The following TOP1 variants were observed in gnomAD, a reference collection of about 807,000 sequenced individuals.
TOP1 encodes the protein DNA topoisomerase 1.
A neutral mutation model predicts 111.1 loss-of-function variants in TOP1; 10 were observed. The ratio of observed to expected loss-of-function variants is 0.09; its 90% confidence interval spans 0.06 to 0.15. TOP1 has a LOEUF of 0.15. Ranked by LOEUF, TOP1 falls within the 10% of genes least tolerant of loss-of-function variation. The probability of loss-of-function intolerance (pLI) is 1.00; values close to 1 mark genes in which losing one functional copy is unlikely to be tolerated. For synonymous variants in TOP1, 271 were observed against 302.9 expected (o/e 0.89, Z 1.10); for missense variants, 474 against 926.7 (o/e 0.51, Z 6.34).
rs2145929988 is a variant in TOP1, at chr20:41,067,138, G to T, written c.155+5648G>T. Among the ~76,000 whole-genome samples, 1 of 151,688 alleles carries T rather than the reference G, an allele frequency of 6.6e-6. No individual in the cohort carries two copies. The highest frequency in any genetic ancestry group is 1.5e-5 in the Non-Finnish European group (1 of 67,868). On this transcript the variant is annotated intron_variant, in intron 3 of 20. Coordinates refer to ENST00000361337, the MANE Select transcript of TOP1 (RefSeq NM_003286.4). This position sits in a 1 kb window ranked among gnomAD's most constrained non-coding sequence, Gnocchi z 4.0. The stretch of plus-strand genomic sequence containing the variant: ...GTAAAATTATTTTATTATTTTTTTT[G>T]AGATGGAGTCTCACTTTGTCACCCA...
At chr20:41,108,516 A>G (rs1390392153) in intron 13 of TOP1, among the ~76,000 whole-genome samples, 3 of 152,216 alleles carry the variant, frequency 2.0e-5, no homozygotes, top group Non-Finnish European at 4.4e-5. Flanking sequence ...AAGGTCATTG[A>G]AAGGATTGGG....
intron 8 of TOP1, among the ~76,000 whole-genome samples, chr20:41,088,864 T>A: frequency 6.6e-6 from 1 of 152,056 alleles, no homozygotes; most frequent in Admixed American, 6.5e-5. Flanking sequence ...ACATATGACA[T>A]AACATTTATC....
At chr20:41,090,283 TTTTTAA>T (rs552887183) in intron 8 of TOP1, among the ~76,000 whole-genome samples, 14 of 152,176 alleles carry the variant, frequency 9.2e-5, no homozygotes, top group Non-Finnish European at 1.8e-4. Context: ...CCAGCCCCTA[TTTTTAA>T]TTTTATCTTT....
intron 13 of TOP1, among the ~76,000 whole-genome samples, chr20:41,111,077 C>T (rs1400799352): frequency 3.3e-5 from 5 of 152,140 alleles, no homozygotes; most frequent in African/African-American, 1.2e-4. Context: ...ACCTTACATT[C>T]CAGTGGTGTG....
chr20:41,031,986 A>G (rs530014213), intron 2 of TOP1, among the ~76,000 whole-genome samples: 5 of 152,228 alleles, frequency 3.3e-5, no homozygotes, highest in Admixed American at 2.6e-4. Context: ...GTTGGTAACT[A>G]TGCTTGCTAT....
At chr20:41,062,444 G>A (rs1328291378) in intron 3 of TOP1, among the ~76,000 whole-genome samples, 1 of 152,170 alleles carries the variant, frequency 6.6e-6, no homozygotes, top group East Asian at 1.9e-4. Context: ...CATGTATCAT[G>A]CCTGTGGCCT....
chr20:41,055,766 T>TC (rs2033462644), intron 2 of TOP1, among the ~76,000 whole-genome samples: 1 of 152,178 alleles, frequency 6.6e-6, no homozygotes, highest in Admixed American at 6.5e-5. Flanking sequence ...TTTCCTTCCT[T>TC]CTTAGTTCCT....
chr20:41,045,395 A>T (rs1008847169), intron 2 of TOP1, among the ~76,000 whole-genome samples: 11 of 152,192 alleles, frequency 7.2e-5, no homozygotes, highest in South Asian at 2.1e-4. Context: ...GTAAGTCCTA[A>T]GAGGACTTAC....
chr20:41,061,468 G>A lies in TOP1; in HGVS notation c.133G>A (p.Glu45Lys). 6.2e-7 allele frequency: 1 copy of A among 1,607,274 alleles called. No individual in the cohort carries two copies. The highest frequency in any genetic ancestry group is 8.5e-7 in the Non-Finnish European group (1 of 1,176,176). ...HKEHKKEKDR[E>K]KSKHSNSEHK... ...AGAACACAAGAAGGAGAAGGACCGG[G>A]AAAAGTCCAAGCATAGCAACAGGTA... Residue 45 changes from glutamate to lysine, a missense_variant, in exon 3 of 21, where the codon GAA (glutamate) becomes AAA (lysine). Glu to Lys is a moderately conservative substitution (Grantham distance 56). Transcript: ENST00000361337. The surrounding 1 kb of genome is among the most constrained non-coding windows in gnomAD (Gnocchi z 4.6).
At chr20:41,042,983 C>T (rs2033286751) in intron 2 of TOP1, among the ~76,000 whole-genome samples, 1 of 152,186 alleles carries the variant, frequency 6.6e-6, no homozygotes, top group Non-Finnish European at 1.5e-5. Flanking sequence ...AGAGTTTGGT[C>T]TTGCTGTCTC....
intron 3 of TOP1, chr20:41,072,745 C>T (rs2033682656): frequency 1.0e-6 from 1 of 985,288 alleles, no homozygotes; most frequent in African/African-American, 1.7e-5. Flanking sequence ...TAGGGATGAT[C>T]ACATTGTATT....
At chr20:41,074,896 T>A (rs1400308046) in intron 3 of TOP1, among the ~76,000 whole-genome samples, 2 of 152,260 alleles carry the variant, frequency 1.3e-5, no homozygotes, top group African/African-American at 4.8e-5. Context: ...AAACTACAAC[T>A]TGTGGTTTTT....
intron 3 of TOP1, among the ~76,000 whole-genome samples, chr20:41,070,641 C>T (rs111843954): frequency 6.6e-6 from 1 of 152,236 alleles, no homozygotes. Flanking sequence ...CTTTGAAGCT[C>T]TCTGTGCTGT....
At chr20:41,084,140 T>G (rs561217729) in intron 7 of TOP1, among the ~76,000 whole-genome samples, 2 of 151,956 alleles carry the variant, frequency 1.3e-5, no homozygotes. Flanking sequence ...GTGAGGAAAA[T>G]ACACTCGGAT....
chr20:41,057,374 T>A (rs919647981), intron 2 of TOP1, among the ~76,000 whole-genome samples: 1 of 151,738 alleles, frequency 6.6e-6, no homozygotes, highest in African/African-American at 2.4e-5. Context: ...AGAGTGAGAC[T>A]CTGTCTCCAA....
In TOP1 at chr20:41,029,680, G is replaced by T; in HGVS notation, c.58+225G>T. On this transcript the variant is annotated intron_variant, in intron 2 of 20. Coordinates refer to ENST00000361337, the MANE Select transcript of TOP1 (RefSeq NM_003286.4). This position sits in a 1 kb window ranked among gnomAD's most constrained non-coding sequence, Gnocchi z 6.1. Reference sequence around the variant, plus strand: ...CCCAAGAGGGGACAACGGAGACCCCGTGTCGTCCGCCACCGGGCCTCGGGC... The same window carrying T: ...CCCAAGAGGGGACAACGGAGACCCCTTGTCGTCCGCCACCGGGCCTCGGGC... 1 of 613,546 alleles carries T rather than the reference G, an allele frequency of 1.6e-6. No individual in the cohort carries two copies. Among genetic ancestry groups the T allele is most frequent in the African/African-American group, 1.9e-5 (1 of 52,538 alleles). The allele number at this position is 613,546 out of a possible 1,614,324, so 38.0% of individuals were successfully genotyped here.
intron 2 of TOP1, among the ~76,000 whole-genome samples, chr20:41,053,034 G>C (rs2145922409): frequency 6.6e-6 from 1 of 152,012 alleles, no homozygotes; most frequent in Middle Eastern, 3.4e-3. Flanking sequence ...ATGACTTTAG[G>C]GAGATAAACA....
rs1312496796 is a variant in TOP1, at chr20:41,095,545, T to TG, written c.731-1670dup. 4.6e-5 allele frequency among the ~76,000 whole-genome samples: 7 copies of TG among 152,252 alleles called. No homozygotes were observed. The highest frequency in any genetic ancestry group is 4.1e-4 in the South Asian group (2 of 4,822). On this transcript the variant is annotated intron_variant, in intron 9 of 20. Transcript: ENST00000361337. This position sits in a 1 kb window ranked among gnomAD's most constrained non-coding sequence, Gnocchi z 4.6. The stretch of plus-strand genomic sequence containing the variant: ...TCCAAAGCAGAAGCTTGGGGGTTGA[T>TG]GGGGGCAGCTGCGCCACCTGTTGGC...
chr20:41,051,598 G>A (rs949188548), intron 2 of TOP1, among the ~76,000 whole-genome samples: 5 of 152,178 alleles, frequency 3.3e-5, no homozygotes, highest in African/African-American at 1.2e-4. Flanking sequence ...CTTCTGCATG[G>A]GGAATGCTAT....
Sources: allele counts gnomAD v4.1 joint callset (sites outside exome capture counted in the v4.1 genomes callset), GRCh38; gene constraint gnomAD v4.1.1; non-coding constraint Gnocchi (gnomAD v3.1); transcripts MANE v1.5; gene names NCBI Gene and HGNC (gene_info 2026-07-23, HGNC 2026-07-21).